Variants in PTPRD observed in about 807,000 individuals in gnomAD.
PTPRD encodes receptor-type tyrosine-protein phosphatase delta.
In PTPRD, 34 loss-of-function variants were observed where a neutral mutation model predicts 214.5. That is an observed-to-expected ratio of 0.16 (90% CI 0.12 to 0.21). The LOEUF (loss-of-function observed/expected upper bound fraction) is 0.21, where lower values mean the gene tolerates loss of function less well. PTPRD is among the 10% of genes least tolerant of loss of function. The pLI is 1.00. For synonymous variants in PTPRD, 1,128 were observed against 845.7 expected, an observed-to-expected ratio of 1.33 and a Z score of -5.79; for missense variants, 2,545 against 2,398.7, an observed-to-expected ratio of 1.06 and a Z score of -1.27.
chr9:10,177,206 G>A (rs1170759895), intron 3 of PTPRD, among the ~76,000 whole-genome samples: 1 of 151,824 alleles, frequency 6.6e-6, no homozygotes, highest in Non-Finnish European at 1.5e-5. Context: ...CTCAGTCCAA[G>A]GATGAGTAGG....
intron 4 of PTPRD, among the ~76,000 whole-genome samples, chr9:10,004,551 A>T (rs965088414): frequency 6.6e-6 from 1 of 152,036 alleles, no homozygotes; most frequent in African/African-American, 2.4e-5. Flanking sequence ...AATATTTTTA[A>T]GCCACATATT....
At chr9:9,677,000 T>G (rs1332553247) in intron 7 of PTPRD, among the ~76,000 whole-genome samples, 1 of 152,212 alleles carries the variant, frequency 6.6e-6, no homozygotes, top group Non-Finnish European at 1.5e-5. Context: ...TAAATTTGTT[T>G]GAGTTCCTTG....
At chr9:9,655,010 T>C (rs1248736054) in intron 7 of PTPRD, among the ~76,000 whole-genome samples, 3 of 151,614 alleles carry the variant, frequency 2.0e-5, no homozygotes, top group Non-Finnish European at 2.9e-5. Flanking sequence ...TATATAGATA[T>C]AGATATATAG....
At chr9:9,708,771 G>A (rs1351156594) in intron 7 of PTPRD, among the ~76,000 whole-genome samples, 1 of 151,972 alleles carries the variant, frequency 6.6e-6, no homozygotes, top group Non-Finnish European at 1.5e-5. Flanking sequence ...CATAATACCT[G>A]GAGTTTCAAA....
At chr9:10,135,578 C>G (rs1236783941) in intron 3 of PTPRD, among the ~76,000 whole-genome samples, 4 of 152,102 alleles carry the variant, frequency 2.6e-5, no homozygotes, top group Admixed American at 6.6e-5. Context: ...CTATATTTAG[C>G]ATCCTTAAAG....
intron 5 of PTPRD, among the ~76,000 whole-genome samples, chr9:9,793,834 TAAC>T (rs2098983630): frequency 6.6e-6 from 1 of 152,082 alleles, no homozygotes; most frequent in African/African-American, 2.4e-5. Flanking sequence ...TATAAAATAG[TAAC>T]AATATTAAAA....
intron 7 of PTPRD, among the ~76,000 whole-genome samples, chr9:9,636,052 C>T (rs997482503): frequency 1.3e-5 from 2 of 152,150 alleles, no homozygotes; most frequent in Non-Finnish European, 2.9e-5. Flanking sequence ...CCCATCTTTG[C>T]ACTCTCAGTC....
chr9:10,425,112 T>A (rs2098600426), intron 2 of PTPRD, among the ~76,000 whole-genome samples: 1 of 151,914 alleles, frequency 6.6e-6, no homozygotes, highest in Admixed American at 6.6e-5. Context: ...TTAATAAGAG[T>A]CTTGGTGTTC....
intron 11 of PTPRD, among the ~76,000 whole-genome samples, chr9:8,947,206 G>C (rs1366112169): frequency 6.6e-6 from 1 of 151,586 alleles, no homozygotes; most frequent in African/African-American, 2.4e-5. Flanking sequence ...GCTCACGCCT[G>C]TAATCCTAGC....
At chr9:9,053,922 G>T (rs564226896) in intron 10 of PTPRD, among the ~76,000 whole-genome samples, 17 of 152,188 alleles carry the variant, frequency 1.1e-4, no homozygotes, top group Admixed American at 2.0e-4. Context: ...CATGAGATAA[G>T]AAAATATCTT....
chr9:9,163,733 G>C (rs2154495066), intron 10 of PTPRD, among the ~76,000 whole-genome samples: 1 of 152,254 alleles, frequency 6.6e-6, no homozygotes. Flanking sequence ...GACCATTCAT[G>C]ATCTGACCTC....
chr9:8,820,503 G>C lies in PTPRD; in HGVS notation c.-103-86557C>G, dbSNP rs535090310. On this transcript the variant is annotated intron_variant, in intron 11 of 45. Transcript: ENST00000381196. The stretch of plus-strand genomic sequence containing the variant: ...AAATGTCAGAAAAAATATTAAGAAA[G>C]TAAGTGTTTGGTGTTTCATTTACCA... Among the ~76,000 whole-genome samples, 5 of 152,222 alleles carry C rather than the reference G, an allele frequency of 3.3e-5. No individual in the cohort carries two copies. The South Asian group carries it at 6.2e-4, about 19-fold the overall frequency.
intron 12 of PTPRD, among the ~76,000 whole-genome samples, chr9:8,727,207 A>G (rs1464664259): frequency 6.6e-6 from 1 of 152,192 alleles, no homozygotes; most frequent in Admixed American, 6.5e-5. Context: ...AACAGGTCAC[A>G]CTTTGGAATT....
chr9:9,378,563 G>T (rs959584168), intron 9 of PTPRD, among the ~76,000 whole-genome samples: 1 of 152,138 alleles, frequency 6.6e-6, no homozygotes, highest in African/African-American at 2.4e-5. Flanking sequence ...TATGGTAAGA[G>T]TATGTGTAGT....
rs181654469 is a variant in PTPRD, at chr9:9,138,096, G to A, written c.-143+45208C>T. Reference sequence around the variant, plus strand: ...AGCTCAAGACATTTCTCCTATGATAGACCAGAGCAGATGAATAATACCTGT... The same window carrying A: ...AGCTCAAGACATTTCTCCTATGATAAACCAGAGCAGATGAATAATACCTGT... On this transcript the variant is annotated intron_variant, in intron 10 of 45. Coordinates refer to ENST00000381196, the MANE Select transcript of PTPRD (RefSeq NM_002839.4). Among the ~76,000 whole-genome samples the A allele has an allele frequency of 2.6e-5, 4 of 152,144 alleles. No individual in the cohort carries two copies. In the East Asian group the frequency reaches 7.7e-4, roughly 29 times the overall value.
chr9:8,639,592 A>ACCCTTTT (rs1423180425), intron 12 of PTPRD, among the ~76,000 whole-genome samples: 1 of 152,164 alleles, frequency 6.6e-6, no homozygotes, highest in East Asian at 1.9e-4. Context: ...GAAGTAGGAT[A>ACCCTTTT]CCCTTTTCCC....
intron 9 of PTPRD, among the ~76,000 whole-genome samples, chr9:9,352,307 A>G (rs1470273550): frequency 7.0e-6 from 1 of 142,162 alleles, no homozygotes; most frequent in African/African-American, 2.8e-5. Flanking sequence ...ACTGCCAAAA[A>G]ACCATATATA....
At chr9:8,336,013 C>A (rs1446773252) in intron 43 of PTPRD, among the ~76,000 whole-genome samples, 2 of 151,910 alleles carry the variant, frequency 1.3e-5, no homozygotes, top group Non-Finnish European at 2.9e-5. Flanking sequence ...GAATCAATAT[C>A]GTGAAAATGG....
At chr9:8,838,806 G>C (rs534203431) in intron 11 of PTPRD, among the ~76,000 whole-genome samples, 3 of 151,684 alleles carry the variant, frequency 2.0e-5, no homozygotes, top group East Asian at 1.9e-4. Flanking sequence ...CTGAAGAATG[G>C]ATATAAAACA....
Sources: allele counts gnomAD v4.1 joint callset (sites outside exome capture counted in the v4.1 genomes callset), GRCh38; gene constraint gnomAD v4.1.1; transcripts MANE v1.5; gene names NCBI Gene and HGNC (gene_info 2026-07-23, HGNC 2026-07-21).